The following TBXAS1 variants were observed in gnomAD, a reference collection of about 807,000 sequenced individuals.
The protein encoded by TBXAS1 is thromboxane A synthase 1.
Under a neutral mutation model 60.7 loss-of-function variants are expected in TBXAS1, and 48 were observed. The observed-to-expected ratio is 0.79, with a 90% CI of 0.63 to 1.01. TBXAS1 has a LOEUF of 1.01. Ranked by LOEUF, TBXAS1 falls within the 50% of genes least tolerant of loss-of-function variation. The pLI, the probability that TBXAS1 is intolerant of heterozygous loss-of-function variation, is 0.00. For synonymous variants in TBXAS1, 287 were observed against 269.7 expected (o/e 1.06, Z -0.63); for missense variants, 685 against 686.3 (o/e 1.00, Z 0.02).
intron 9 of TBXAS1, among the ~76,000 whole-genome samples, chr7:139,995,394 G>A (rs908990315): frequency 6.6e-6 from 1 of 152,158 alleles, no homozygotes; most frequent in Non-Finnish European, 1.5e-5. Context: ...GGTGTGCGGA[G>A]GGCAAGTTGA....
At chr7:139,798,621 C>T (rs1164120307) in intron 4 of TBXAS1, among the ~76,000 whole-genome samples, 1 of 152,170 alleles carries the variant, frequency 6.6e-6, no homozygotes, top group East Asian at 1.9e-4. Flanking sequence ...TCAAAGAGAA[C>T]ATTTGCTCCC....
chr7:139,783,745 C>T (rs1244081572), intron 3 of TBXAS1, among the ~76,000 whole-genome samples: 7 of 152,198 alleles, frequency 4.6e-5, no homozygotes, highest in Admixed American at 2.0e-4. Flanking sequence ...TGTAAGGTTT[C>T]CTCCCACTGA....
chr7:139,788,037 G>A (rs973794122), intron 4 of TBXAS1, among the ~76,000 whole-genome samples: 1 of 152,164 alleles, frequency 6.6e-6, no homozygotes, highest in Non-Finnish European at 1.5e-5. Context: ...AGTGATGAAT[G>A]TAAACAACAG....
chr7:140,018,848 A>G (rs1815306950), intron 12 of TBXAS1, among the ~76,000 whole-genome samples: 1 of 152,150 alleles, frequency 6.6e-6, no homozygotes, highest in Admixed American at 6.5e-5. Flanking sequence ...CATTCAACAA[A>G]CATTAATGAG....
intron 9 of TBXAS1, among the ~76,000 whole-genome samples, chr7:139,978,775 CAAAAAAAAA>C (rs35583867): frequency 0.32 from 29,429 of 91,120 alleles, 3,116 homozygotes; most frequent in Middle Eastern, 0.51. Flanking sequence ...CCTGCCTCTA[CAAAAAAAAA>C]AAAAAAAAAA....
At chr7:139,988,003 A>G (rs1284519414) in intron 9 of TBXAS1, among the ~76,000 whole-genome samples, 2 of 152,220 alleles carry the variant, frequency 1.3e-5, no homozygotes, top group African/African-American at 4.8e-5. Context: ...TTCTTAGCTC[A>G]TTAGAAAAAC....
chr7:139,787,179 T>C (rs1244881964), intron 3 of TBXAS1, among the ~76,000 whole-genome samples: 1 of 152,238 alleles, frequency 6.6e-6, no homozygotes, highest in African/African-American at 2.4e-5. Context: ...GTCATAGAAT[T>C]CTGAGGATTT....
chr7:139,925,868 C>CT (rs1163298244), intron 4 of TBXAS1, among the ~76,000 whole-genome samples: 7 of 152,050 alleles, frequency 4.6e-5, no homozygotes, highest in African/African-American at 1.7e-4. Context: ...TTATCAAATG[C>CT]TTTTTTAGCA....
chr7:140,003,625 T>G (rs1813853185), intron 9 of TBXAS1, among the ~76,000 whole-genome samples: 1 of 152,182 alleles, frequency 6.6e-6, no homozygotes, highest in Admixed American at 6.5e-5. Context: ...CTTTAAAAAT[T>G]TTCTTTCTTT....
intron 4 of TBXAS1, chr7:139,912,924 G>A: frequency 1.7e-6 from 1 of 593,986 alleles, no homozygotes; most frequent in Non-Finnish European, 3.0e-6. Context: ...GAAGAGCAGG[G>A]ATTCATGTGC....
chr7:139,791,258 C>T (rs1007044307), intron 4 of TBXAS1, among the ~76,000 whole-genome samples: 3 of 152,214 alleles, frequency 2.0e-5, no homozygotes. Context: ...CTCGTTCTGA[C>T]AACAGTCAGC....
intron 9 of TBXAS1, among the ~76,000 whole-genome samples, chr7:139,996,430 C>T (rs900593294): frequency 2.0e-5 from 3 of 152,170 alleles, no homozygotes; most frequent in African/African-American, 7.2e-5. Flanking sequence ...TCCCAGAGGA[C>T]TCATCCCCGT....
intron 4 of TBXAS1, among the ~76,000 whole-genome samples, chr7:139,811,691 A>C (rs1798023810): frequency 6.6e-6 from 1 of 152,242 alleles, no homozygotes; most frequent in African/African-American, 2.4e-5. Context: ...ACTAACCCTA[A>C]AGATGGAAAT....
chr7:139,890,864 C>T (rs1414351038), intron 3 of TBXAS1, among the ~76,000 whole-genome samples: 2 of 152,106 alleles, frequency 1.3e-5, no homozygotes, highest in African/African-American at 2.4e-5. Flanking sequence ...CCTTCCCATC[C>T]CCAATAGTCA....
At chr7:139,780,206 C>T (rs148029841) in intron 1 of TBXAS1, among the ~76,000 whole-genome samples, 3 of 151,908 alleles carry the variant, frequency 2.0e-5, no homozygotes, top group African/African-American at 7.3e-5. Flanking sequence ...TATGTAACTC[C>T]CTGTTAATAC....
At chr7:140,016,354 A>G (rs1184758320) in intron 11 of TBXAS1, 1 of 225,170 alleles carries the variant, frequency 4.4e-6, no homozygotes, top group African/African-American at 2.4e-5. Context: ...TTAAATAAAA[A>G]TAAATAAATA....
chr7:140,008,286 C>T (rs1814250699), intron 10 of TBXAS1, among the ~76,000 whole-genome samples: 1 of 152,140 alleles, frequency 6.6e-6, no homozygotes, highest in Non-Finnish European at 1.5e-5. Flanking sequence ...ACTGCATTGT[C>T]CTCAAGCACA....
chr7:139,911,875 G>A (rs1805552638), intron 4 of TBXAS1, among the ~76,000 whole-genome samples: 1 of 152,188 alleles, frequency 6.6e-6, no homozygotes, highest in South Asian at 2.1e-4. Flanking sequence ...TTTTTGGAAA[G>A]TAAATGTCCT....
intron 3 of TBXAS1, among the ~76,000 whole-genome samples, chr7:139,876,904 G>A (rs571298538): frequency 1.3e-5 from 2 of 152,286 alleles, no homozygotes; most frequent in South Asian, 4.1e-4. Context: ...CTGCTGGGGA[G>A]GACCTCATGT....
Sources: allele counts gnomAD v4.1 joint callset (sites outside exome capture counted in the v4.1 genomes callset), GRCh38; gene constraint gnomAD v4.1.1; transcripts MANE v1.5; gene names NCBI Gene and HGNC (gene_info 2026-07-23, HGNC 2026-07-21).